OSBP2: variants seen among roughly 807,000 people sequenced by gnomAD.
The protein encoded by OSBP2 is oxysterol binding protein 2.
OSBP2 carries 66 observed loss-of-function variants against 96.0 expected under a neutral mutation model. That is an observed-to-expected ratio of 0.69 (90% CI 0.56 to 0.84). OSBP2 has a LOEUF of 0.84. Among genes scored for constraint, OSBP2 ranks in the 40% least tolerant of loss-of-function variants. The pLI, the probability that OSBP2 is intolerant of heterozygous loss-of-function variation, is 0.00. For synonymous variants in OSBP2, 525 were observed against 520.9 expected, an observed-to-expected ratio of 1.01 and a Z score of -0.11; for missense variants, 1,038 against 1,222.7, an observed-to-expected ratio of 0.85 and a Z score of 2.25.
intron 2 of OSBP2, among the ~76,000 whole-genome samples, chr22:30,778,303 G>GCACA (rs34574171): frequency 0.03 from 4,467 of 146,570 alleles, 67 homozygotes; most frequent in Middle Eastern, 0.061. Context: ...GTGTGCATGT[G>GCACA]CACACACACA....
At chr22:30,831,010 T>C (rs1251768533) in intron 2 of OSBP2, among the ~76,000 whole-genome samples, 2 of 152,248 alleles carry the variant, frequency 1.3e-5, no homozygotes, top group Non-Finnish European at 2.9e-5. Context: ...ACATTTAGGT[T>C]CTTCCCAGAT....
chr22:30,743,964 A>T (rs1431118489), intron 2 of OSBP2, among the ~76,000 whole-genome samples: 1 of 152,152 alleles, frequency 6.6e-6, no homozygotes, highest in African/African-American at 2.4e-5. Flanking sequence ...CCTTCATTGT[A>T]TGAGATGCAG....
intron 2 of OSBP2, among the ~76,000 whole-genome samples, chr22:30,744,395 C>T (rs772202472): frequency 2.6e-5 from 4 of 152,084 alleles, no homozygotes; most frequent in African/African-American, 9.7e-5. Context: ...TGGGTTATCC[C>T]GGGGCCTGTT....
chr22:30,740,807 A>C (rs2089928008), intron 1 of OSBP2, among the ~76,000 whole-genome samples: 1 of 152,188 alleles, frequency 6.6e-6, no homozygotes, highest in East Asian at 1.9e-4. Context: ...CTTAAAGGAA[A>C]GAGTTTAGCA....
Position 30,848,140 on chromosome 22 carries a change from T to C in OSBP2, c.854-22289T>C, listed in dbSNP as rs549630419. On this transcript the variant is annotated intron_variant, in intron 2 of 13. Transcript: ENST00000332585. The stretch of plus-strand genomic sequence containing the variant: ...GCTATATAATATTCTGTTATATTCA[T>C]GTTTCATAGTTTAAATAACCAGTCT... Among the ~76,000 whole-genome samples the C allele has an allele frequency of 2.6e-5, 4 of 152,284 alleles. No individual in the cohort carries two copies. The South Asian group carries it at 6.2e-4, about 24-fold the overall frequency.
intron 2 of OSBP2, among the ~76,000 whole-genome samples, chr22:30,796,756 C>T (rs2090769018): frequency 6.6e-6 from 1 of 152,152 alleles, no homozygotes; most frequent in African/African-American, 2.4e-5. Context: ...GATCCACCCA[C>T]CTTAGCCTCC....
rs181394390 is a variant in OSBP2 at position 30,848,989 on chromosome 22, G to A, written c.854-21440G>A. On this transcript the variant is annotated intron_variant, in intron 2 of 13. Coordinates refer to ENST00000332585, the MANE Select transcript of OSBP2 (RefSeq NM_030758.4). Reference sequence around the variant, plus strand: ...TTATCCTTATAAGAAATTGCCAGCTGGGTGCAGTGGCTCATGCCTGTAATC... The same window carrying A: ...TTATCCTTATAAGAAATTGCCAGCTAGGTGCAGTGGCTCATGCCTGTAATC... Among the ~76,000 whole-genome samples, 210 of 152,284 alleles carry A rather than the reference G, an allele frequency of 1.4e-3. 5 individuals are homozygous for A. The highest frequency in any genetic ancestry group is 5.2e-4 in the Admixed American group (8 of 15,290).
chr22:30,695,497 G>C lies in OSBP2; in HGVS notation c.588G>C (p.Leu196=), dbSNP rs1335217571. The C allele has an allele frequency of 6.2e-7, 1 of 1,613,068 alleles. No individual in the cohort carries two copies. The highest frequency in any genetic ancestry group is 2.2e-5 in the East Asian group (1 of 44,880). Residue 196 remains leucine (L), a synonymous_variant, in exon 1 of 14, where the codon CTG becomes CTC. Transcript: ENST00000332585. ...GGCTTCTCAAGTGGACCAACTATCT[G>C]AAGGGCTACCAGCGCCGCTGGTTCG... ...EGWLLKWTNY[L]KGYQRRWFVL...
At chr22:30,855,309 C>A (rs1214199511) in intron 2 of OSBP2, among the ~76,000 whole-genome samples, 1 of 152,160 alleles carries the variant, frequency 6.6e-6, no homozygotes, top group African/African-American at 2.4e-5. Context: ...GCCCTACTGC[C>A]CTGGCCCATT....
chr22:30,855,917 A>G (rs555227801), intron 2 of OSBP2, among the ~76,000 whole-genome samples: 6 of 152,358 alleles, frequency 3.9e-5, no homozygotes, highest in East Asian at 1.9e-4. Context: ...CACAGACTGC[A>G]TGGCATGTGC....
intron 2 of OSBP2, among the ~76,000 whole-genome samples, chr22:30,786,178 C>A (rs757086915): frequency 1.6e-4 from 24 of 152,090 alleles, no homozygotes; most frequent in Non-Finnish European, 3.2e-4. Flanking sequence ...TGTGCCACCA[C>A]ACCCAGCTAA....
At chr22:30,720,357 C>T (rs1470245465) in intron 1 of OSBP2, among the ~76,000 whole-genome samples, 3 of 152,154 alleles carry the variant, frequency 2.0e-5, no homozygotes, top group Admixed American at 2.0e-4. Flanking sequence ...TGGCTGGAGA[C>T]TCCACTTCCA....
At chr22:30,700,311 T>A (rs1286186203) in intron 1 of OSBP2, among the ~76,000 whole-genome samples, 2 of 152,100 alleles carry the variant, frequency 1.3e-5, no homozygotes, top group Non-Finnish European at 2.9e-5. Context: ...TAATTATATG[T>A]TTATTTGCAT....
intron 2 of OSBP2, among the ~76,000 whole-genome samples, chr22:30,775,801 TG>T (rs1430579735): frequency 7.3e-5 from 11 of 151,664 alleles, no homozygotes; most frequent in East Asian, 3.9e-4. Flanking sequence ...GGGGGGAGGT[TG>T]TTTTTTTTTC....
intron 2 of OSBP2, among the ~76,000 whole-genome samples, chr22:30,825,006 C>A (rs986110076): frequency 2.0e-5 from 3 of 152,166 alleles, no homozygotes; most frequent in Non-Finnish European, 4.4e-5. Flanking sequence ...CCCATCCTTG[C>A]AAACAAGGGG....
intron 8 of OSBP2, 29 bp from the exon 9 acceptor site, chr22:30,893,093 A>C: frequency 6.2e-7 from 1 of 1,610,400 alleles, no homozygotes; most frequent in Non-Finnish European, 8.5e-7. Flanking sequence ...TGTCTGGCAG[A>C]TGCTCACATC....
In OSBP2 at chr22:30,862,798, C is replaced by T. The variant is rs534506548; in HGVS notation, c.854-7631C>T. ...ACCAGCCTGGCCAACATAGTGAAAC[C>T]CCGTCTCTACTAAAAATACAAAAAG... On this transcript the variant is annotated intron_variant, in intron 2 of 13. Transcript: ENST00000332585. Among the ~76,000 whole-genome samples, 73 of 151,730 alleles carry T rather than the reference C, an allele frequency of 4.8e-4. 1 individual carries two copies. In the South Asian group the frequency reaches 7.1e-3, roughly 15 times the overall value.
intron 2 of OSBP2, among the ~76,000 whole-genome samples, chr22:30,806,186 AC>A (rs1373929364): frequency 6.6e-6 from 1 of 151,900 alleles, no homozygotes; most frequent in Non-Finnish European, 1.5e-5. Context: ...CCAAGGTCTG[AC>A]TCTGGCCCTG....
At chr22:30,887,753 C>T (rs2039846658) in intron 4 of OSBP2, 135 bp downstream of exon 4, 4 of 698,126 alleles carry the variant, frequency 5.7e-6, no homozygotes, top group Non-Finnish European at 9.4e-6. Flanking sequence ...TCTTGACTGC[C>T]TCTTCGTGGT....
Sources: allele counts gnomAD v4.1 joint callset (sites outside exome capture counted in the v4.1 genomes callset), GRCh38; gene constraint gnomAD v4.1.1; transcripts MANE v1.5; gene names NCBI Gene and HGNC (gene_info 2026-07-23, HGNC 2026-07-21).